KCNH1: variants seen among roughly 807,000 people sequenced by gnomAD.
KCNH1 encodes the protein voltage-gated delayed rectifier potassium channel KCNH1.
KCNH1 carries 27 observed loss-of-function variants against 69.2 expected under a neutral mutation model. The ratio of observed to expected loss-of-function variants is 0.39; its 90% confidence interval spans 0.29 to 0.54. The LOEUF is 0.54. KCNH1 is among the 20% of genes least tolerant of loss of function. KCNH1 has a pLI of 0.68. For synonymous variants in KCNH1, 456 were observed against 487.7 expected (o/e 0.93, Z 0.86); for missense variants, 798 against 1,261.6 (o/e 0.63, Z 5.57).
intron 6 of KCNH1, among the ~76,000 whole-genome samples, chr1:210,992,644 G>C (rs1688957530): frequency 1.3e-5 from 2 of 152,044 alleles, no homozygotes; most frequent in Admixed American, 1.3e-4. Flanking sequence ...GGCATTATTT[G>C]CAAGGTCTCC....
intron 10 of KCNH1, among the ~76,000 whole-genome samples, chr1:210,725,346 T>C (rs1300904361): frequency 6.6e-6 from 1 of 152,180 alleles, no homozygotes; most frequent in African/African-American, 2.4e-5. Context: ...TAATTCAAGA[T>C]ACATTTACTG....
chr1:210,686,836 G>T (rs536626065), intron 10 of KCNH1, among the ~76,000 whole-genome samples: 1 of 152,124 alleles, frequency 6.6e-6, no homozygotes, highest in Non-Finnish European at 1.5e-5. Context: ...AGGTCACACT[G>T]TATTTTTTAC....
At chr1:210,909,072 A>G (rs1198441168) in intron 7 of KCNH1, among the ~76,000 whole-genome samples, 1 of 152,226 alleles carries the variant, frequency 6.6e-6, no homozygotes, top group Non-Finnish European at 1.5e-5. Context: ...ATTCTCTCCC[A>G]TGCATGCAAA....
rs537239310 is a variant in KCNH1, at chr1:210,905,481, A to G, written c.1462+14159T>C. ...TCTGATCAGGATCCAAATGGTCAATATAGACACCTTCCCAAGTCAAGCATT... is the reference window on the plus strand; with the variant it reads ...TCTGATCAGGATCCAAATGGTCAATGTAGACACCTTCCCAAGTCAAGCATT... On this transcript the variant is annotated intron_variant, in intron 7 of 10. Transcript: ENST00000271751. Among the ~76,000 whole-genome samples the G allele has an allele frequency of 2.6e-5, 4 of 152,272 alleles. No homozygotes were observed. In the South Asian group the frequency reaches 8.3e-4, roughly 32 times the overall value.
chr1:210,730,491 A>T (rs1682718716), intron 10 of KCNH1, among the ~76,000 whole-genome samples: 2 of 152,318 alleles, frequency 1.3e-5, no homozygotes, highest in Admixed American at 1.3e-4. Flanking sequence ...CAGTTGGATA[A>T]TAATCCAGTC....
chr1:210,690,458 G>A (rs192360099), intron 10 of KCNH1, among the ~76,000 whole-genome samples: 61 of 152,234 alleles, frequency 4.0e-4, no homozygotes, highest in Admixed American at 8.5e-4. Flanking sequence ...AGCTTTCCTC[G>A]TGGTTTCCTC....
intron 7 of KCNH1, among the ~76,000 whole-genome samples, chr1:210,917,901 T>C (rs1037065146): frequency 6.6e-6 from 1 of 152,166 alleles, no homozygotes; most frequent in African/African-American, 2.4e-5. Context: ...AAATTCTAAT[T>C]AAGATGAAGC....
chr1:211,079,205 T>C (rs1690799921), intron 5 of KCNH1, among the ~76,000 whole-genome samples: 1 of 152,230 alleles, frequency 6.6e-6, no homozygotes, highest in South Asian at 2.1e-4. Flanking sequence ...GCAAATAAAC[T>C]AGAAAATCTA....
chr1:211,083,254 G>A (rs1011280851), intron 4 of KCNH1, among the ~76,000 whole-genome samples: 2 of 152,200 alleles, frequency 1.3e-5, no homozygotes, highest in Admixed American at 1.3e-4. Flanking sequence ...AGATAATATC[G>A]GGTAATTGAG....
At chr1:210,908,369 G>A (rs1217613276) in intron 7 of KCNH1, among the ~76,000 whole-genome samples, 2 of 152,148 alleles carry the variant, frequency 1.3e-5, no homozygotes, top group Admixed American at 6.5e-5. Context: ...TTGTTAAGGT[G>A]CTGGATTCCA....
At chr1:210,788,970 A>C (rs1684163504) in intron 9 of KCNH1, among the ~76,000 whole-genome samples, 1 of 148,902 alleles carries the variant, frequency 6.7e-6, no homozygotes, top group Non-Finnish European at 1.5e-5. Context: ...TGCTGGGATT[A>C]CAGGCGTGAG....
intron 7 of KCNH1, among the ~76,000 whole-genome samples, chr1:210,887,790 A>G (rs982900341): frequency 5.3e-5 from 8 of 151,950 alleles, no homozygotes; most frequent in African/African-American, 1.9e-4. Flanking sequence ...CTTTAAACCA[A>G]CAAAGATCAA....
chr1:210,821,921 C>T (rs1343142), intron 7 of KCNH1, among the ~76,000 whole-genome samples: 72,180 of 151,308 alleles, frequency 0.48, 17,523 homozygotes, highest in East Asian at 0.78. Context: ...ATTGCAGCCT[C>T]GAACTCCGTG....
At chr1:210,750,483 A>G (rs1041748017) in intron 10 of KCNH1, among the ~76,000 whole-genome samples, 2 of 152,158 alleles carry the variant, frequency 1.3e-5, no homozygotes, top group African/African-American at 4.8e-5. Flanking sequence ...GAAAAATCAG[A>G]CATAATTTTG....
intron 6 of KCNH1, among the ~76,000 whole-genome samples, chr1:210,999,930 T>C (rs995820410): frequency 5.9e-5 from 9 of 152,170 alleles, no homozygotes; most frequent in African/African-American, 2.2e-4. Context: ...ATTATCTCAA[T>C]AGATGCAGAA....
At chr1:210,812,295 C>T (rs1684720422) in intron 7 of KCNH1, among the ~76,000 whole-genome samples, 2 of 152,128 alleles carry the variant, frequency 1.3e-5, no homozygotes, top group Non-Finnish European at 2.9e-5. Flanking sequence ...TAGACTTTAA[C>T]ACCCTCCTTT....
chr1:210,859,439 C>A, intron 7 of KCNH1: 1 of 1,608,860 alleles, frequency 6.2e-7, no homozygotes, highest in Non-Finnish European at 8.5e-7. Flanking sequence ...TTATCTTCAT[C>A]ATCAATGATT....
intron 10 of KCNH1, among the ~76,000 whole-genome samples, chr1:210,759,028 G>C (rs942718425): frequency 1.3e-4 from 20 of 152,098 alleles, no homozygotes; most frequent in Admixed American, 5.2e-4. Context: ...CTCATACAGA[G>C]CCTTGGTGCC....
chr1:211,039,099 G>A (rs1333921089), intron 5 of KCNH1, among the ~76,000 whole-genome samples: 2 of 152,190 alleles, frequency 1.3e-5, no homozygotes, highest in Non-Finnish European at 2.9e-5. Context: ...TGTGCTGTGT[G>A]CAGCCTAGGA....
Sources: allele counts gnomAD v4.1 joint callset (sites outside exome capture counted in the v4.1 genomes callset), GRCh38; gene constraint gnomAD v4.1.1; transcripts MANE v1.5; gene names NCBI Gene and HGNC (gene_info 2026-07-23, HGNC 2026-07-21).